CERS6: variants seen among roughly 807,000 people sequenced by gnomAD.
The protein encoded by CERS6 is ceramide synthase 6.
A neutral mutation model predicts 56.8 loss-of-function variants in CERS6; 26 were observed. The ratio of observed to expected loss-of-function variants is 0.46; its 90% CI spans 0.34 to 0.63. The LOEUF (loss-of-function observed/expected upper bound fraction) is 0.63. CERS6 is among the 30% of genes least tolerant of loss of function. The pLI, the probability that CERS6 is intolerant of heterozygous loss-of-function variation, is 0.01. For synonymous variants in CERS6, 164 were observed against 173.3 expected, an observed-to-expected ratio of 0.95 and a Z score of 0.42; for missense variants, 415 against 467.5, an observed-to-expected ratio of 0.89 and a Z score of 1.04.
intron 1 of CERS6, among the ~76,000 whole-genome samples, chr2:168,466,088 T>C (rs62175791): frequency 0.21 from 27,685 of 132,200 alleles, 3,257 homozygotes; most frequent in Non-Finnish European, 0.28. Context: ...CTGGCATAGG[T>C]GGGTGGGAGG....
chr2:168,531,309 A>G (rs1695162584), intron 1 of CERS6, among the ~76,000 whole-genome samples: 1 of 152,252 alleles, frequency 6.6e-6, no homozygotes, highest in African/African-American at 2.4e-5. Flanking sequence ...AGATTAAAAA[A>G]CAACTTTTTA....
At chr2:168,689,804 A>G (rs146345547) in intron 4 of CERS6, among the ~76,000 whole-genome samples, 1 of 152,212 alleles carries the variant, frequency 6.6e-6, no homozygotes, top group Non-Finnish European at 1.5e-5. Context: ...ATTCTGGAAC[A>G]TAGTTAGGTT....
intron 4 of CERS6, among the ~76,000 whole-genome samples, chr2:168,674,658 G>A (rs765561550): frequency 3.3e-5 from 5 of 152,158 alleles, no homozygotes; most frequent in Admixed American, 6.5e-5. Flanking sequence ...GAAACTTAGC[G>A]GCACAGTGGC....
At chr2:168,569,768 CTT>C (rs1695948977) in intron 3 of CERS6, among the ~76,000 whole-genome samples, 1 of 152,168 alleles carries the variant, frequency 6.6e-6, no homozygotes, top group Non-Finnish European at 1.5e-5. Flanking sequence ...GCATTGGAGT[CTT>C]CTCTCTGATA....
intron 8 of CERS6, among the ~76,000 whole-genome samples, chr2:168,741,373 TAAAAAA>T (rs200311434): frequency 0.017 from 2,511 of 147,074 alleles, 85 homozygotes; most frequent in African/African-American, 0.058. Flanking sequence ...TTTGGAGAAT[TAAAAAA>T]AAAAAAAAAA....
intron 4 of CERS6, among the ~76,000 whole-genome samples, chr2:168,637,488 A>T (rs1455171428): frequency 2.0e-5 from 3 of 152,196 alleles, no homozygotes; most frequent in Non-Finnish European, 4.4e-5. Flanking sequence ...GTCTAAAAAA[A>T]AAGAAAAAAT....
At chr2:168,613,297 G>A (rs1684232257) in intron 3 of CERS6, among the ~76,000 whole-genome samples, 2 of 152,174 alleles carry the variant, frequency 1.3e-5, no homozygotes, top group Admixed American at 1.3e-4. Flanking sequence ...GATGGTTAGA[G>A]GCAGTGATTG....
At chr2:168,728,339 T>G (rs1683409906) in intron 8 of CERS6, among the ~76,000 whole-genome samples, 1 of 148,420 alleles carries the variant, frequency 6.7e-6, no homozygotes, top group African/African-American at 2.6e-5. Context: ...CTTGGAATAG[T>G]CTTTAAAACT....
At chr2:168,677,200 T>A (rs1181482437) in intron 4 of CERS6, among the ~76,000 whole-genome samples, 2 of 151,648 alleles carry the variant, frequency 1.3e-5, no homozygotes, top group Non-Finnish European at 2.9e-5. Flanking sequence ...CCCTGGTGTG[T>A]GATGTTCCTC....
chr2:168,644,942 A>G (rs1309520038), intron 4 of CERS6, among the ~76,000 whole-genome samples: 2 of 150,436 alleles, frequency 1.3e-5, no homozygotes, highest in Admixed American at 6.6e-5. Context: ...AAATACAAAA[A>G]TTAGGCAGGC....
intron 9 of CERS6, among the ~76,000 whole-genome samples, chr2:168,769,100 GTTAA>G (rs1345623209): frequency 1.3e-5 from 2 of 151,886 alleles, no homozygotes; most frequent in African/African-American, 2.4e-5. Context: ...CATTGCTATG[GTTAA>G]TTGAGAGCTG....
intron 8 of CERS6, among the ~76,000 whole-genome samples, chr2:168,737,369 T>C (rs1683748386): frequency 6.6e-6 from 1 of 152,232 alleles, no homozygotes; most frequent in African/African-American, 2.4e-5. Context: ...TTTTCTCTAA[T>C]GTGTAAGGAA....
chr2:168,473,729 A>T (rs1254522365), intron 1 of CERS6, among the ~76,000 whole-genome samples: 1 of 151,784 alleles, frequency 6.6e-6, no homozygotes, highest in African/African-American at 2.4e-5. Flanking sequence ...ATACACGAAA[A>T]AAATAAAAAA....
rs147862198 is a variant in CERS6 at position 168,624,508 on chromosome 2, A to G, written c.408-6477A>G. 8.8e-4 allele frequency among the ~76,000 whole-genome samples: 134 copies of G among 152,256 alleles called. 1 individual carries two copies. In the Middle Eastern group the frequency reaches 0.01, roughly 12 times the overall value. ...ATCCCACAGGGTTCTTACAAAATAT[A>G]GGTGAGTTAATATATGTAAGACTCT... On this transcript the variant is annotated intron_variant, in intron 3 of 9. Transcript: ENST00000305747.
At chr2:168,534,448 T>C (rs1695223030) in intron 1 of CERS6, among the ~76,000 whole-genome samples, 1 of 151,898 alleles carries the variant, frequency 6.6e-6, no homozygotes. Context: ...GTCGTTGCTT[T>C]CTGTTTGTTT....
chr2:168,629,641 G>A (rs1684666410), intron 3 of CERS6, among the ~76,000 whole-genome samples: 1 of 152,124 alleles, frequency 6.6e-6, no homozygotes, highest in Non-Finnish European at 1.5e-5. Flanking sequence ...TGGTAACAAA[G>A]CATTAAATCA....
At position 168,559,202 on chromosome 2, in the gene CERS6, T is replaced by TA. The variant is rs34282143; in HGVS notation, c.277-1980dup. On this transcript the variant is annotated intron_variant, in intron 2 of 9. Coordinates refer to ENST00000305747, the MANE Select transcript of CERS6 (RefSeq NM_203463.3). ...GTGTAGATGGTGTCATTACTACTAC[T>TA]AAAAAAAAAACCCCAAAAAACCCCA... 7.6e-3 allele frequency among the ~76,000 whole-genome samples: 1,111 copies of TA among 146,140 alleles called. 7 individuals carry two copies. Among genetic ancestry groups the TA allele is most frequent in the Non-Finnish European group, 0.013 (842 of 66,114 alleles).
At chr2:168,534,131 A>T (rs1558987246) in intron 1 of CERS6, among the ~76,000 whole-genome samples, 1 of 152,018 alleles carries the variant, frequency 6.6e-6, no homozygotes. Context: ...CCTTTTATCA[A>T]GGTTCTTAGT....
rs1338327418 is a variant in CERS6 at position 168,515,802 on chromosome 2, G to A, written c.171-31794G>A. 4.6e-5 allele frequency among the ~76,000 whole-genome samples: 7 copies of A among 152,186 alleles called. No homozygotes were observed. The East Asian group carries it at 1.3e-3, about 29-fold the overall frequency. The stretch of plus-strand genomic sequence containing the variant: ...AGAGAATCTGTAACGAGGCAATTTT[G>A]TTGGAGAAATTGTCTGTACTGTAGC... On this transcript the variant is annotated intron_variant, in intron 1 of 9. Transcript: ENST00000305747.
Sources: gnomAD v4.1 joint callset for allele counts (sites outside exome capture counted in the v4.1 genomes callset) on GRCh38, gnomAD v4.1.1 for gene constraint, MANE v1.5 for transcripts, NCBI Gene and HGNC (gene_info 2026-07-23, HGNC 2026-07-21) for gene names.